The following CTNNA2 variants were observed in gnomAD, a reference collection of about 807,000 sequenced individuals.
The protein encoded by CTNNA2 is catenin alpha 2, also known as catenin alpha-2.
CTNNA2 carries 42 observed loss-of-function variants against 101.0 expected under a neutral mutation model. That is an observed-to-expected ratio of 0.42 (90% confidence interval 0.32 to 0.54). The LOEUF is 0.54. Among genes scored for constraint, CTNNA2 ranks in the 20% least tolerant of loss-of-function variants. CTNNA2 has a pLI of 0.14. For synonymous variants in CTNNA2, 450 were observed against 456.4 expected (o/e 0.99, Z 0.18); for missense variants, 871 against 1,223.1 (o/e 0.71, Z 4.29).
intron 3 of CTNNA2, among the ~76,000 whole-genome samples, chr2:79,834,968 A>G (rs1442085813): frequency 6.6e-6 from 1 of 152,070 alleles, no homozygotes; most frequent in Non-Finnish European, 1.5e-5. Flanking sequence ...CATATGTCAC[A>G]TTTGCATATA....
chr2:80,609,116 G>A (rs774978768), intron 17 of CTNNA2, among the ~76,000 whole-genome samples: 17 of 151,690 alleles, frequency 1.1e-4, no homozygotes, highest in Non-Finnish European at 2.4e-4. Context: ...ATGTGGCTCT[G>A]ACACCTTAGT....
chr2:80,048,062 T>C (rs1238588890), intron 7 of CTNNA2, among the ~76,000 whole-genome samples: 1 of 152,108 alleles, frequency 6.6e-6, no homozygotes, highest in African/African-American at 2.4e-5. Context: ...TATGGGTCAC[T>C]TGATGAAAAT....
At chr2:80,569,863 C>T (rs1367648395) in intron 12 of CTNNA2, among the ~76,000 whole-genome samples, 4 of 151,420 alleles carry the variant, frequency 2.6e-5, no homozygotes, top group African/African-American at 4.8e-5. Flanking sequence ...AGGATGGTCT[C>T]GATCTCCTGA....
At chr2:79,719,263 T>TATA (rs1389802871) in intron 2 of CTNNA2, among the ~76,000 whole-genome samples, 3 of 152,166 alleles carry the variant, frequency 2.0e-5, no homozygotes, top group Non-Finnish European at 4.4e-5. Context: ...TTTATGACTA[T>TATA]ATAATATTCA....
chr2:80,025,692 T>C (rs10195642), intron 7 of CTNNA2, among the ~76,000 whole-genome samples: 8,410 of 152,184 alleles, frequency 0.055, 657 homozygotes, highest in African/African-American at 0.17. Flanking sequence ...GGCAAAGATT[T>C]CAATATGGGC....
At chr2:79,387,746 C>T (rs185602926) in intron 4 of CTNNA2, among the ~76,000 whole-genome samples, 1 of 152,298 alleles carries the variant, frequency 6.6e-6, no homozygotes, top group East Asian at 1.9e-4. Context: ...AGACCTTTTC[C>T]TGGCAAAGGC....
intron 8 of CTNNA2, among the ~76,000 whole-genome samples, chr2:80,394,283 T>A (rs559109168): frequency 6.6e-6 from 1 of 152,328 alleles, no homozygotes; most frequent in South Asian, 2.1e-4. Context: ...GGAAATGATT[T>A]GAATGAGAGG....
intron 7 of CTNNA2, among the ~76,000 whole-genome samples, chr2:80,007,063 T>C (rs1417474620): frequency 6.6e-6 from 1 of 152,168 alleles, no homozygotes; most frequent in Non-Finnish European, 1.5e-5. Flanking sequence ...TTCACATCTA[T>C]TACCATTTGA....
At chr2:79,978,310 G>T (rs1323564781) in intron 7 of CTNNA2, among the ~76,000 whole-genome samples, 1 of 152,110 alleles carries the variant, frequency 6.6e-6, no homozygotes, top group Admixed American at 6.6e-5. Flanking sequence ...CCTGGCTTTC[G>T]ACATCGGCCA....
chr2:80,098,421 G>A (rs541844647), intron 7 of CTNNA2, among the ~76,000 whole-genome samples: 17 of 152,198 alleles, frequency 1.1e-4, no homozygotes, highest in Non-Finnish European at 1.5e-4. Flanking sequence ...CCCCCACGGG[G>A]GGGTTGCCTC....
chr2:79,927,305 T>A (rs750427297), intron 7 of CTNNA2, among the ~76,000 whole-genome samples: 10 of 152,122 alleles, frequency 6.6e-5, no homozygotes, highest in Non-Finnish European at 1.5e-4. Context: ...TTAGGTAATA[T>A]ATGCAGTGTT....
chr2:80,128,660 T>C (rs772642740), intron 7 of CTNNA2, among the ~76,000 whole-genome samples: 19 of 152,162 alleles, frequency 1.2e-4, no homozygotes, highest in Admixed American at 8.5e-4. Flanking sequence ...AGCGACAATG[T>C]GCCAAGTACA....
At chr2:79,960,541 G>A (rs1689558019) in intron 7 of CTNNA2, among the ~76,000 whole-genome samples, 1 of 152,158 alleles carries the variant, frequency 6.6e-6, no homozygotes, top group African/African-American at 2.4e-5. Flanking sequence ...TAGTTTTTAT[G>A]AATAGACTTA....
chr2:79,679,179 G>A (rs868542233), intron 2 of CTNNA2, among the ~76,000 whole-genome samples: 29 of 152,072 alleles, frequency 1.9e-4, no homozygotes, highest in African/African-American at 6.0e-4. Flanking sequence ...TTTAACAGTG[G>A]GTTTTCCTGG....
At chr2:80,171,257 A>G (rs1408636285) in intron 7 of CTNNA2, among the ~76,000 whole-genome samples, 2 of 152,234 alleles carry the variant, frequency 1.3e-5, no homozygotes, top group Non-Finnish European at 2.9e-5. Flanking sequence ...CTTAAGGCTC[A>G]TGCAATGGCC....
chr2:79,430,858 T>C (rs6709617), intron 4 of CTNNA2, among the ~76,000 whole-genome samples: 48,393 of 151,972 alleles, frequency 0.32, 7,833 homozygotes, highest in South Asian at 0.44. Context: ...GAAATTACTA[T>C]GTAAAGACTT....
chr2:80,548,962 G>A (rs573395390), intron 11 of CTNNA2, among the ~76,000 whole-genome samples: 1 of 152,248 alleles, frequency 6.6e-6, no homozygotes, highest in Admixed American at 6.5e-5. Flanking sequence ...AATAAAAACA[G>A]ATCTTTGTTT....
chr2:79,769,647 G>A (rs1397696), intron 3 of CTNNA2, among the ~76,000 whole-genome samples: 64,878 of 151,982 alleles, frequency 0.43, 17,265 homozygotes, highest in East Asian at 0.73. Flanking sequence ...CATTAGTTAC[G>A]TTTTGAACTA....
intron 3 of CTNNA2, among the ~76,000 whole-genome samples, chr2:79,840,510 C>A (rs1574102610): frequency 6.6e-6 from 1 of 152,216 alleles, no homozygotes; most frequent in East Asian, 1.9e-4. Context: ...CTGAACTTTA[C>A]ATGCATTTCC....
Sources: gnomAD v4.1 joint callset for allele counts (sites outside exome capture counted in the v4.1 genomes callset) on GRCh38, gnomAD v4.1.1 for gene constraint, MANE v1.5 for transcripts, NCBI Gene and HGNC (gene_info 2026-07-23, HGNC 2026-07-21) for gene names.